Variants in CTNNA3 observed in about 807,000 individuals in gnomAD.
CTNNA3 encodes the protein catenin alpha-3.
CTNNA3 carries 76 observed loss-of-function variants against 95.7 expected under a neutral mutation model. The ratio of observed to expected loss-of-function variants is 0.79; its 90% CI spans 0.66 to 0.96. CTNNA3 has a LOEUF of 0.96. Among genes scored for constraint, CTNNA3 ranks in the 40% least tolerant of loss-of-function variants. CTNNA3 has a pLI of 0.00. For synonymous variants in CTNNA3, 431 were observed against 374.4 expected (o/e 1.15, Z -1.74); for missense variants, 1,191 against 1,089.8 (o/e 1.09, Z -1.31).
intron 15 of CTNNA3, among the ~76,000 whole-genome samples, chr10:66,060,159 T>C (rs970482919): frequency 2.6e-5 from 4 of 151,984 alleles, no homozygotes; most frequent in Non-Finnish European, 4.4e-5. Flanking sequence ...AGGGAAGGAA[T>C]GAAATGGGTC....
chr10:66,699,899 T>A (rs4411188), intron 9 of CTNNA3, among the ~76,000 whole-genome samples: 1 of 151,818 alleles, frequency 6.6e-6, no homozygotes, highest in Non-Finnish European at 1.5e-5. Flanking sequence ...TCAGGTGATC[T>A]GCCTGCCTTG....
chr10:66,349,459 T>C (rs978640175), intron 12 of CTNNA3, among the ~76,000 whole-genome samples: 2 of 152,122 alleles, frequency 1.3e-5, no homozygotes, highest in African/African-American at 2.4e-5. Flanking sequence ...GAGAACTTTG[T>C]TGAAATATTA....
At chr10:67,195,679 C>A (rs989037568) in intron 6 of CTNNA3, among the ~76,000 whole-genome samples, 1 of 152,016 alleles carries the variant, frequency 6.6e-6, no homozygotes, top group Non-Finnish European at 1.5e-5. Flanking sequence ...ATCGTTCCAC[C>A]AATATTTATT....
At chr10:66,424,340 G>C (rs2093221662) in intron 11 of CTNNA3, among the ~76,000 whole-genome samples, 1 of 151,542 alleles carries the variant, frequency 6.6e-6, no homozygotes, top group Non-Finnish European at 1.5e-5. Flanking sequence ...TACTTTTTCT[G>C]GATTAACTCT....
intron 9 of CTNNA3, among the ~76,000 whole-genome samples, chr10:66,754,006 T>C (rs1839269573): frequency 6.6e-6 from 1 of 152,134 alleles, no homozygotes; most frequent in South Asian, 2.1e-4. Flanking sequence ...TTTCAGATTG[T>C]CATTGAATAA....
At chr10:66,960,653 G>A (rs905560917) in intron 7 of CTNNA3, among the ~76,000 whole-genome samples, 1 of 152,168 alleles carries the variant, frequency 6.6e-6, no homozygotes, top group South Asian at 2.1e-4. Flanking sequence ...CATTCTGAAA[G>A]ATATTGGAAG....
intron 7 of CTNNA3, among the ~76,000 whole-genome samples, chr10:67,051,354 C>A (rs1855080006): frequency 6.6e-6 from 1 of 152,184 alleles, no homozygotes; most frequent in Non-Finnish European, 1.5e-5. Flanking sequence ...AGTTAGTAGC[C>A]ACCAAAAGAT....
chr10:66,168,580 C>T (rs1423224224), intron 13 of CTNNA3, among the ~76,000 whole-genome samples: 1 of 152,134 alleles, frequency 6.6e-6, no homozygotes, highest in Non-Finnish European at 1.5e-5. Flanking sequence ...CTATTCAGAC[C>T]TCAGTGCAAG....
At chr10:66,890,224 T>C (rs1308872295) in intron 7 of CTNNA3, among the ~76,000 whole-genome samples, 1 of 152,166 alleles carries the variant, frequency 6.6e-6, no homozygotes, top group East Asian at 1.9e-4. Context: ...AGCTCAGGGT[T>C]GAAGGCTTGG....
At chr10:66,655,821 T>C (rs1846056618) in intron 9 of CTNNA3, among the ~76,000 whole-genome samples, 1 of 152,056 alleles carries the variant, frequency 6.6e-6, no homozygotes, top group African/African-American at 2.4e-5. Context: ...GTTGGATAAG[T>C]ACACAATTTT....
intron 11 of CTNNA3, 34 bp downstream of exon 11, chr10:66,520,583 A>G: frequency 6.4e-7 from 1 of 1,567,854 alleles, no homozygotes. Context: ...AATTGACAAG[A>G]GAAAATAAAC....
intron 5 of CTNNA3, among the ~76,000 whole-genome samples, chr10:67,248,847 T>C (rs1167419563): frequency 6.6e-6 from 1 of 152,216 alleles, no homozygotes; most frequent in East Asian, 1.9e-4. Context: ...ATGCCTAGTG[T>C]TCCATTATTG....
chr10:67,286,334 G>C (rs74811951), intron 5 of CTNNA3, among the ~76,000 whole-genome samples: 6,813 of 152,250 alleles, frequency 0.045, 205 homozygotes, highest in South Asian at 0.1. Context: ...ACTATAAAGT[G>C]AACATGTGCT....
intron 5 of CTNNA3, among the ~76,000 whole-genome samples, chr10:67,502,179 G>A (rs1416406638): frequency 6.6e-6 from 1 of 152,120 alleles, no homozygotes; most frequent in Non-Finnish European, 1.5e-5. Flanking sequence ...TGTTGATGTT[G>A]ATGCTATTCC....
chr10:66,754,630 T>G (rs1415079815), intron 9 of CTNNA3, among the ~76,000 whole-genome samples: 2 of 152,100 alleles, frequency 1.3e-5, no homozygotes, highest in African/African-American at 2.4e-5. Flanking sequence ...ATAAGGGGGT[T>G]ACATCAAGAA....
chr10:66,246,401 C>A (rs1013372138), intron 13 of CTNNA3, among the ~76,000 whole-genome samples: 2 of 152,014 alleles, frequency 1.3e-5, no homozygotes, highest in East Asian at 3.9e-4. Context: ...TGCAGCAGTA[C>A]CCTGGGAGCT....
chr10:66,093,086 G>A (rs546340743), intron 14 of CTNNA3, among the ~76,000 whole-genome samples: 9 of 151,910 alleles, frequency 5.9e-5, no homozygotes, highest in African/African-American at 2.2e-4. Context: ...AAGATATTTG[G>A]TAAAAATCTT....
intron 9 of CTNNA3, among the ~76,000 whole-genome samples, chr10:66,751,193 G>A (rs994557452): frequency 7.2e-5 from 11 of 152,160 alleles, no homozygotes; most frequent in East Asian, 1.9e-4. Context: ...GCTTGAACCC[G>A]GGAGGCAGAG....
At chr10:66,153,902 CATA>C (rs1471305221) in intron 13 of CTNNA3, among the ~76,000 whole-genome samples, 1 of 150,782 alleles carries the variant, frequency 6.6e-6, no homozygotes, top group Non-Finnish European at 1.5e-5. Context: ...ATAAATTATA[CATA>C]ATAAGTTTTT....
Sources: allele counts gnomAD v4.1 joint callset (sites outside exome capture counted in the v4.1 genomes callset), GRCh38; gene constraint gnomAD v4.1.1; transcripts MANE v1.5; gene names NCBI Gene and HGNC (gene_info 2026-07-23, HGNC 2026-07-21).